The following FAT3 variants were observed in gnomAD, a reference collection of about 807,000 sequenced individuals.
The protein encoded by FAT3 is protocadherin Fat 3.
FAT3 carries 95 observed loss-of-function variants against 310.2 expected under a neutral mutation model. That is an observed-to-expected ratio of 0.31 (90% CI 0.26 to 0.36). The LOEUF (loss-of-function observed/expected upper bound fraction) is 0.36, where lower values mean the gene tolerates loss of function less well. Ranked by LOEUF, FAT3 falls within the 10% of genes least tolerant of loss-of-function variation. The pLI, the probability that FAT3 is intolerant of heterozygous loss-of-function variation, is 1.00. For synonymous variants in FAT3, 2,314 were observed against 2,192.9 expected, an observed-to-expected ratio of 1.06 and a Z score of -1.54; for missense variants, 5,408 against 5,715.6, an observed-to-expected ratio of 0.95 and a Z score of 1.74.
intron 4 of FAT3, among the ~76,000 whole-genome samples, chr11:92,754,347 C>T (rs192920716): frequency 9.2e-5 from 14 of 151,772 alleles, no homozygotes; most frequent in East Asian, 3.9e-4. Flanking sequence ...GGAAATCGGC[C>T]GGGCGCGATG....
chr11:92,496,971 T>A (rs566307118), intron 2 of FAT3, among the ~76,000 whole-genome samples: 1 of 152,120 alleles, frequency 6.6e-6, no homozygotes, highest in South Asian at 2.1e-4. Context: ...CAATGATGAC[T>A]TCAACACTCA....
At position 92,798,824 on chromosome 11, in the gene FAT3, A is replaced by G; in HGVS notation, c.5811A>G (p.Gly1937=). Residue 1937 remains glycine (G), a synonymous_variant, in exon 10 of 28, where the codon GGA becomes GGG. Transcript: ENST00000525166. The part of the protein sequence containing the change: ...LDHFLIDSNS[G]VLTIKNNNLS... ...ATTTTTTAATTGACTCAAACAGTGG[A>G]GTACTTACCATAAAAAACAACAACC... is the stretch of plus-strand genomic sequence containing the variant. The G allele has an allele frequency of 6.2e-7, 1 of 1,613,896 alleles. No homozygotes were observed. The highest frequency in any genetic ancestry group is 8.5e-7 in the Non-Finnish European group (1 of 1,179,842).
chr11:92,309,629 T>C (rs1947243899), intron 1 of FAT3, among the ~76,000 whole-genome samples: 3 of 152,156 alleles, frequency 2.0e-5, no homozygotes. Context: ...GAAACTGAGA[T>C]TGCCACTTCG....
intron 27 of FAT3, among the ~76,000 whole-genome samples, 160 bp from the exon 28 acceptor site, chr11:92,890,331 G>A (rs143757956): frequency 3.3e-5 from 5 of 152,176 alleles, no homozygotes; most frequent in Admixed American, 6.5e-5. Context: ...CTTGTTGTCC[G>A]CAGGCCAAAG....
chr11:92,235,072 C>CA (rs757114482), intron 1 of FAT3, among the ~76,000 whole-genome samples: 3,939 of 127,604 alleles, frequency 0.031, 165 homozygotes, highest in African/African-American at 0.099. Context: ...CTCCATCTCT[C>CA]AAAAAAAAAA....
At chr11:92,632,012 C>G (rs1170552245) in intron 3 of FAT3, among the ~76,000 whole-genome samples, 1 of 152,172 alleles carries the variant, frequency 6.6e-6, no homozygotes, top group East Asian at 1.9e-4. Flanking sequence ...AATATGTCAG[C>G]TTAAATAAGT....
chr11:92,738,413 C>T (rs1263114648), intron 4 of FAT3, among the ~76,000 whole-genome samples: 1 of 152,212 alleles, frequency 6.6e-6, no homozygotes, highest in Non-Finnish European at 1.5e-5. Context: ...AGCCTACATA[C>T]AGAGCTTTGT....
At chr11:92,508,806 G>A (rs1953197326) in intron 2 of FAT3, among the ~76,000 whole-genome samples, 1 of 152,108 alleles carries the variant, frequency 6.6e-6, no homozygotes, top group South Asian at 2.1e-4. Context: ...TAGAGAGTCG[G>A]TATTAAATAA....
At position 92,800,184 on chromosome 11, in the gene FAT3, C is replaced by A; in HGVS notation, c.7171C>A (p.Pro2391Thr). Residue 2391 changes from proline to threonine, a missense_variant, in exon 10 of 28, where the codon CCT becomes ACT. Pro to Thr is a conservative substitution (Grantham distance 38, BLOSUM62 -1). Around this residue, in one of 5 missense-constraint regions of FAT3, gnomAD observed 4,588 missense variants for 4,809.8 expected, o/e 0.95. Coordinates refer to ENST00000525166, the MANE Select transcript of FAT3 (RefSeq NM_001367949.2). ...CTACATCTCTGATGTAAATGACAAC[C>A]CTCCAGTTTTTAATCAGCTCATTTA... Reference protein sequence around the residue: ...HIYISDVNDNPPVFNQLIYES... With the variant: ...HIYISDVNDNTPVFNQLIYES... 6.2e-7 allele frequency: 1 copy of A among 1,613,948 alleles called. No homozygotes were observed. The highest frequency in any genetic ancestry group is 2.2e-5 in the East Asian group (1 of 44,868).
chr11:92,444,984 G>T (rs1951176286), intron 2 of FAT3, among the ~76,000 whole-genome samples: 1 of 152,116 alleles, frequency 6.6e-6, no homozygotes, highest in African/African-American at 2.4e-5. Context: ...TGGAGACAGG[G>T]TCTTTAAAGA....
chr11:92,624,334 T>A (rs1162354307), intron 3 of FAT3, among the ~76,000 whole-genome samples: 1 of 152,110 alleles, frequency 6.6e-6, no homozygotes, highest in Non-Finnish European at 1.5e-5. Flanking sequence ...AGGAAGCCGG[T>A]TAAAGTTGGA....
chr11:92,705,794 ATGGTGTTG>A (rs1944313650), intron 4 of FAT3, among the ~76,000 whole-genome samples: 1 of 35,212 alleles, frequency 2.8e-5, no homozygotes, highest in Non-Finnish European at 5.3e-5. Flanking sequence ...TGGTGGTGTG[ATGGTGTTG>A]GTGTTGGTGG....
intron 2 of FAT3, among the ~76,000 whole-genome samples, chr11:92,368,891 T>A (rs991205622): frequency 8.1e-6 from 1 of 123,762 alleles, no homozygotes; most frequent in South Asian, 2.2e-4. Context: ...CACATATATA[T>A]ACACACACAC....
At chr11:92,851,251 G>T (rs924375408) in intron 19 of FAT3, among the ~76,000 whole-genome samples, 1 of 152,146 alleles carries the variant, frequency 6.6e-6, no homozygotes, top group Admixed American at 6.5e-5. Flanking sequence ...CTGAGTTCAG[G>T]TCTCTGCCAT....
chr11:92,880,412 G>C (rs1290380984), intron 22 of FAT3, among the ~76,000 whole-genome samples: 1 of 151,114 alleles, frequency 6.6e-6, no homozygotes, highest in African/African-American at 2.4e-5. Flanking sequence ...CAGTAATAGT[G>C]CCGGGGAGAA....
chr11:92,605,552 A>G (rs1254282121), intron 3 of FAT3, among the ~76,000 whole-genome samples: 1 of 152,166 alleles, frequency 6.6e-6, no homozygotes. Flanking sequence ...GGCTTCCATA[A>G]GAAAGAGTTA....
intron 3 of FAT3, among the ~76,000 whole-genome samples, chr11:92,640,709 C>A (rs552340905): frequency 6.6e-6 from 1 of 152,154 alleles, no homozygotes; most frequent in African/African-American, 2.4e-5. Flanking sequence ...TCAGGTAGGC[C>A]AACTGTATAG....
intron 1 of FAT3, among the ~76,000 whole-genome samples, chr11:92,335,605 G>C (rs977423479): frequency 6.6e-6 from 1 of 151,968 alleles, no homozygotes; most frequent in Non-Finnish European, 1.5e-5. Flanking sequence ...TTTTTATTTT[G>C]AATTGTGTAA....
rs770432757 is a variant in FAT3 at position 92,352,209 on chromosome 11, C to G, written c.97C>G (p.Leu33Val). The stretch of plus-strand genomic sequence containing the variant: ...GCTTTTGGCCACTGTCTCCCAGGGG[C>G]TGCCAGGGACTGGACCCCTGGGCTT... ...FKLLATVSQGLPGTGPLGFHF... is the reference protein window; with the variant it reads ...FKLLATVSQGVPGTGPLGFHF... Residue 33 changes from leucine (L) to valine (V), a missense_variant, in exon 2 of 28, where the codon CTG becomes GTG. Leu to Val is a conservative substitution (Grantham distance 32). This residue lies in a region of FAT3 where 152 missense variants were observed against 188.3 expected (regional missense o/e 0.81). Coordinates refer to ENST00000525166, the MANE Select transcript of FAT3 (RefSeq NM_001367949.2). The G allele has an allele frequency of 2.9e-5, 40 of 1,378,900 alleles. No homozygotes were observed. Among genetic ancestry groups the G allele is most frequent in the Non-Finnish European group, 3.4e-5 (35 of 1,029,934 alleles). 85.4% of individuals were successfully genotyped at this position (1,378,900 alleles called of 1,614,324 possible). A position where few individuals can be genotyped will look rare whatever the true frequency, so the allele number is the denominator to read the frequency against.
Sources: gnomAD v4.1 joint callset for allele counts (sites outside exome capture counted in the v4.1 genomes callset) on GRCh38, gnomAD v4.1.1 for gene constraint, gnomAD v4.1.1 regional missense constraint, MANE v1.5 for transcripts, NCBI Gene and HGNC (gene_info 2026-07-23, HGNC 2026-07-21) for gene names.